Variants in SAMD5 observed in about 807,000 individuals in gnomAD.
SAMD5 encodes the protein sterile alpha motif domain-containing protein 5.
SAMD5 carries 13 observed loss-of-function variants against 11.3 expected under a neutral mutation model. The observed-to-expected ratio is 1.15, with a 90% CI of 0.75 to 1.83. The LOEUF is 1.83. SAMD5 is among the 40% of genes most tolerant of loss of function. SAMD5 has a pLI of 0.00. For synonymous variants in SAMD5, 129 were observed against 111.3 expected, an observed-to-expected ratio of 1.16 and a Z score of -1.00; for missense variants, 255 against 239.1, an observed-to-expected ratio of 1.07 and a Z score of -0.44.
chr6:147,840,050 C>T, the SAMD5 span, among the ~76,000 whole-genome samples: 1 of 152,180 alleles, frequency 6.6e-6, no homozygotes, highest in African/African-American at 2.4e-5. Context: ...TTTAATTTTT[C>T]TAAATTCATG....
chr6:147,709,944 A>G (rs1791373351), intron 1 of SAMD5, among the ~76,000 whole-genome samples: 1 of 152,046 alleles, frequency 6.6e-6, no homozygotes, highest in Non-Finnish European at 1.5e-5. Context: ...CTGTGCAGTC[A>G]CCCCTGATTA....
At chr6:147,741,638 C>T (rs1054365693), downstream of SAMD5, 1 of 152,146 alleles carries the variant, frequency 6.6e-6, no homozygotes, top group African/African-American at 2.4e-5. Flanking sequence ...TCCCATGCGC[C>T]GTTTCCAAGG....
intron 1 of SAMD5, among the ~76,000 whole-genome samples, chr6:147,726,895 ACTT>A (rs1480959508): frequency 6.6e-6 from 1 of 152,158 alleles, no homozygotes; most frequent in East Asian, 1.9e-4. Context: ...GATCTGCCTT[ACTT>A]CTTCTGTCAT....
chr6:147,756,798 T>C, the SAMD5 span, among the ~76,000 whole-genome samples: 6 of 152,234 alleles, frequency 3.9e-5, no homozygotes, highest in East Asian at 1.2e-3. Flanking sequence ...GTTTTCACCA[T>C]TTTTATGAAT....
chr6:147,783,997 G>T, the SAMD5 span, among the ~76,000 whole-genome samples: 1 of 152,144 alleles, frequency 6.6e-6, no homozygotes, highest in African/African-American at 2.4e-5. Context: ...GCAATGGCAG[G>T]TTCAGGAGGG....
chr6:147,793,709 C>T, the SAMD5 span, among the ~76,000 whole-genome samples: 1 of 152,234 alleles, frequency 6.6e-6, no homozygotes, highest in South Asian at 2.1e-4. Flanking sequence ...TGAATACATA[C>T]ATTTTTATAA....
intron 1 of SAMD5, among the ~76,000 whole-genome samples, chr6:147,686,058 G>A (rs1791006637): frequency 6.6e-6 from 1 of 152,212 alleles, no homozygotes; most frequent in Non-Finnish European, 1.5e-5. Context: ...CATGCAAAAT[G>A]TGGACTACCT....
the SAMD5 span, among the ~76,000 whole-genome samples, chr6:147,869,168 G>C: frequency 6.6e-6 from 1 of 152,200 alleles, no homozygotes; most frequent in Non-Finnish European, 1.5e-5. Context: ...AATAATATGT[G>C]AATCAGTTAC....
At chr6:147,679,558 C>T (rs1448891237) in intron 1 of SAMD5, among the ~76,000 whole-genome samples, 2 of 151,992 alleles carry the variant, frequency 1.3e-5, no homozygotes, top group African/African-American at 4.8e-5. Context: ...GATTAAATTA[C>T]TTTATCAAAT....
At chr6:147,779,548 T>C in the SAMD5 span, among the ~76,000 whole-genome samples, 2 of 149,622 alleles carry the variant, frequency 1.3e-5, no homozygotes, top group African/African-American at 2.5e-5. Flanking sequence ...CAGGCTGGAG[T>C]GCAATGGCAC....
At chr6:147,526,838 G>C (rs1030120424) in intron 1 of SAMD5, among the ~76,000 whole-genome samples, 1 of 145,974 alleles carries the variant, frequency 6.9e-6, no homozygotes, top group Non-Finnish European at 1.5e-5. Flanking sequence ...CATAAGGTTG[G>C]GCTGAGCTGT....
At chr6:147,888,247 C>T in the SAMD5 span, among the ~76,000 whole-genome samples, 2 of 152,014 alleles carry the variant, frequency 1.3e-5, no homozygotes. Context: ...AATATTTTCT[C>T]CAGTAATCTT....
chr6:147,948,709 T>G, the SAMD5 span, among the ~76,000 whole-genome samples: 8 of 152,154 alleles, frequency 5.3e-5, no homozygotes, highest in Non-Finnish European at 1.2e-4. Flanking sequence ...ATTTGCCTTT[T>G]GGGGGAAGGG....
At chr6:147,714,749 T>G (rs772350008) in intron 1 of SAMD5, among the ~76,000 whole-genome samples, 13 of 152,280 alleles carry the variant, frequency 8.5e-5, no homozygotes, top group Non-Finnish European at 1.9e-4. Flanking sequence ...TAATACAGAT[T>G]CCTGGACTCT....
chr6:147,580,014 C>G (rs572104852), intron 1 of SAMD5, among the ~76,000 whole-genome samples: 1 of 152,158 alleles, frequency 6.6e-6, no homozygotes. Flanking sequence ...TTCTCCTTCA[C>G]GCAGGAGGGA....
At position 147,618,024 on chromosome 6, in the gene SAMD5, C is replaced by T. The variant is rs147907500; in HGVS notation, c.162+108637C>T. Among the ~76,000 whole-genome samples the T allele has an allele frequency of 7.9e-5, 12 of 152,260 alleles. No individual in the cohort carries two copies. In the East Asian group the frequency reaches 2.3e-3, roughly 29 times the overall value. On this transcript the variant is annotated intron_variant, in intron 1 of 1. Coordinates refer to the SAMD5 transcript ENST00000566741. The stretch of plus-strand genomic sequence containing the variant: ...AATAAGAATGACAAAACTTTATATT[C>T]AATAAATTTCAGCTTAGAATATACT...
At chr6:147,899,548 G>A in the SAMD5 span, among the ~76,000 whole-genome samples, 1 of 152,198 alleles carries the variant, frequency 6.6e-6, no homozygotes, top group African/African-American at 2.4e-5. Flanking sequence ...TAGTATTCTT[G>A]CATAATTACA....
At chr6:147,559,558 A>C (rs536619801) in intron 1 of SAMD5, among the ~76,000 whole-genome samples, 1 of 152,324 alleles carries the variant, frequency 6.6e-6, no homozygotes, top group South Asian at 2.1e-4. Flanking sequence ...GTGGCCCTGA[A>C]GAGGCAGCGA....
intron 1 of SAMD5, among the ~76,000 whole-genome samples, chr6:147,626,818 G>C: frequency 2.6e-5 from 2 of 75,764 alleles, no homozygotes. Flanking sequence ...AAAAAAAAAA[G>C]AAAGAAAGAA....
Sources: gnomAD v4.1 joint callset for allele counts (sites outside exome capture counted in the v4.1 genomes callset) on GRCh38, gnomAD v4.1.1 for gene constraint, MANE v1.5 for transcripts, NCBI Gene and HGNC (gene_info 2026-07-23, HGNC 2026-07-21) for gene names.